The following LIN37 variants were observed in gnomAD, a reference collection of about 807,000 sequenced individuals.
The protein encoded by LIN37 is lin-37 DREAM MuvB core complex component, also known as protein lin-37 homolog.
A neutral mutation model predicts 38.0 loss-of-function variants in LIN37; 21 were observed. The ratio of observed to expected loss-of-function variants is 0.55; its 90% CI spans 0.39 to 0.80. The LOEUF is 0.80. Among genes scored for constraint, LIN37 ranks in the 30% least tolerant of loss-of-function variants. The pLI, the probability that LIN37 is intolerant of heterozygous loss-of-function variation, is 0.00. For missense variants in LIN37, 273 were observed against 338.5 expected (o/e 0.81, Z 1.52); for synonymous variants, 126 against 122.9 (o/e 1.03, Z -0.17).
intron 1 of LIN37, among the ~76,000 whole-genome samples, chr19:35,750,537 A>G (rs1003743086): frequency 2.6e-5 from 4 of 152,232 alleles, no homozygotes; most frequent in African/African-American, 9.6e-5. Context: ...GTAGGAGGAC[A>G]GCGTAACATC....
intron 6 of LIN37, 44 bp downstream of exon 6, chr19:35,753,297 G>A: frequency 6.5e-7 from 1 of 1,537,078 alleles, no homozygotes; most frequent in South Asian, 1.2e-5. Flanking sequence ...TGGTGCCAGG[G>A]CAGTGGGTGG....
Position 35,752,247 on chromosome 19 carries a change from G to T in LIN37, c.106G>T (p.Asp36Tyr), listed in dbSNP as rs552333590. Residue 36 changes from aspartate (D) to tyrosine (Y), a missense_variant, in exon 2 of 9, where the codon GAC becomes TAC. Transcript: ENST00000301159. ...GTGTCTGCTGGAGAAGAGTCACATG[G>T]ACAGGTAGGCCAGCGTGGGGTCACA... ...LQCLLEKSHM[D>Y]RERLDEEAGK... is the part of the protein sequence containing the mutation. The T allele has an allele frequency of 6.2e-7, 1 of 1,605,878 alleles. No homozygotes were observed. Among genetic ancestry groups the T allele is most frequent in the Non-Finnish European group, 8.5e-7 (1 of 1,176,248 alleles).
At chr19:35,749,063 A>T (rs1328109262) in intron 1 of LIN37, 21 of 960,112 alleles carry the variant, frequency 2.2e-5, no homozygotes, top group South Asian at 1.5e-4. Flanking sequence ...TTAAATTTTT[A>T]AAATATTTAA....
intron 1 of LIN37, chr19:35,748,965 G>A: frequency 7.0e-7 from 1 of 1,437,938 alleles, no homozygotes; most frequent in Non-Finnish European, 9.2e-7. Flanking sequence ...GAATGGGGTG[G>A]CTCGGGCAAT....
At chr19:35,748,815 T>C in intron 1 of LIN37, 57 bp downstream of exon 1, 1 of 1,611,436 alleles carries the variant, frequency 6.2e-7, no homozygotes, top group East Asian at 2.2e-5. Context: ...GGGTGTGGAG[T>C]CCCGGTGGAA....
At chr19:35,748,820 G>A in intron 1 of LIN37, 62 bp downstream of exon 1, 1 of 1,612,742 alleles carries the variant, frequency 6.2e-7, no homozygotes, top group Non-Finnish European at 8.5e-7. Context: ...TGGAGTCCCG[G>A]TGGAAGGGAG....
intron 1 of LIN37, 156 bp from the exon 2 acceptor site, chr19:35,752,020 C>T (rs1334214228): frequency 1.6e-6 from 1 of 607,560 alleles, no homozygotes; most frequent in African/African-American, 1.8e-5. Context: ...GGGCATCACT[C>T]CAGCCATCTC....
chr19:35,748,842 G>C, intron 1 of LIN37, 84 bp downstream of exon 1: 2 of 1,609,756 alleles, frequency 1.2e-6, no homozygotes, highest in Non-Finnish European at 1.7e-6. Flanking sequence ...ATCGCGGAAA[G>C]GGGACTGCAC....
In LIN37 at chr19:35,754,045, G is replaced by A. The variant is rs369546658; in HGVS notation, c.473G>A (p.Arg158His). Residue 158 changes from arginine (R) to histidine (H), a missense_variant, in exon 7 of 9, where the codon CGT becomes CAT. Transcript: ENST00000301159. ...EGSEVTNSKS[R>H]DVYKLPPPTP... ...TCAGAGGTAACCAACAGCAAGAGTC[G>A]TGATGTGTACAAGCTGCCGCCACCC... 5.6e-5 allele frequency: 91 copies of A among 1,613,666 alleles called. No homozygotes were observed. Among genetic ancestry groups the A allele is most frequent in the Non-Finnish European group, 6.9e-5 (82 of 1,179,872 alleles).
chr19:35,752,923 C>T lies in LIN37; in HGVS notation c.201C>T (p.Ala67=), dbSNP rs1309988647. 2 of 1,575,538 alleles carry T rather than the reference C, an allele frequency of 1.3e-6. No individual in the cohort carries two copies. The highest frequency in any genetic ancestry group is 8.6e-7 in the Non-Finnish European group (1 of 1,160,400). ...SIAATGKRPS[A]RFPHQRRKKR... ...CCCTCTCCCTACGCAGGCCATCTGC[C>T]CGCTTCCCCCACCAGCGGAGGAAGA... The change falls in exon 5 of 9, where the codon GCC becomes GCT. Residue 67 remains alanine, a synonymous_variant. Coordinates refer to ENST00000301159, the MANE Select transcript of LIN37 (RefSeq NM_019104.3).
At chr19:35,749,368 G>C (rs1970649036) in intron 1 of LIN37, among the ~76,000 whole-genome samples, 1 of 152,192 alleles carries the variant, frequency 6.6e-6, no homozygotes. Context: ...AAAGAGGAGA[G>C]AATTTTGGGT....
chr19:35,750,183 TC>T (rs1410101101), intron 1 of LIN37, among the ~76,000 whole-genome samples: 2 of 151,782 alleles, frequency 1.3e-5, no homozygotes, highest in Non-Finnish European at 2.9e-5. Flanking sequence ...GAGAGGGGTA[TC>T]CATGGTGAGG....
At chr19:35,753,702 G>A in intron 6 of LIN37, 2 of 520,630 alleles carry the variant, frequency 3.8e-6, no homozygotes, top group South Asian at 2.2e-5. Flanking sequence ...TGTCAGAAAT[G>A]GACAGAGCTT....
At position 35,748,730 on chromosome 19, in the gene LIN37, C is replaced by T. The variant is rs1393686016; in HGVS notation, c.6C>T (p.Phe2=). The T allele has an allele frequency of 2.5e-6, 4 of 1,613,818 alleles. No homozygotes were observed. In the African/African-American group the frequency reaches 4.0e-5, roughly 16 times the overall value. M[F]PVKVKVEKSE... is the part of the protein sequence containing the mutation. ...CCAGATCCCGGACCCAAACCATGTT[C>T]CCTGTGAAGGTGAAAGTGGAGAAAT... is the stretch of plus-strand genomic sequence containing the variant. The change falls in exon 1 of 9, where the codon TTC becomes TTT. Residue 2 remains phenylalanine, a synonymous_variant. Transcript: ENST00000301159.
chr19:35,753,853 C>T, intron 6 of LIN37, 164 bp from the exon 7 acceptor site: 1 of 734,448 alleles, frequency 1.4e-6, no homozygotes, highest in Non-Finnish European at 2.2e-6. Flanking sequence ...ACTTGACCCG[C>T]TGGCTGGTTG....
intron 1 of LIN37, among the ~76,000 whole-genome samples, chr19:35,750,118 A>G (rs867402338): frequency 1.3e-5 from 2 of 150,956 alleles, no homozygotes; most frequent in African/African-American, 4.9e-5. Context: ...GGTGGGAGAG[A>G]CACTCGGGAG....
chr19:35,748,712 C>A lies in LIN37; in HGVS notation c.-13C>A, dbSNP rs1032257729. On this transcript the variant is annotated 5_prime_UTR_variant, in exon 1 of 9. Transcript: ENST00000301159. ...CGCCTCTGACCCAGCTAGCCAGATC[C>A]CGGACCCAAACCATGTTCCCTGTGA... is the stretch of plus-strand genomic sequence containing the variant. 1 of 1,613,860 alleles carries A rather than the reference C, an allele frequency of 6.2e-7. No individual in the cohort carries two copies. The highest frequency in any genetic ancestry group is 8.5e-7 in the Non-Finnish European group (1 of 1,179,774).
At chr19:35,753,023 G>T (rs1970701084) in intron 5 of LIN37, 24 bp downstream of exon 5, 3 of 1,570,816 alleles carry the variant, frequency 1.9e-6, no homozygotes, top group Non-Finnish European at 2.6e-6. Flanking sequence ...GGCCCTAGAG[G>T]GTCGGTAAGG....
Position 35,752,187 on chromosome 19 carries a change from G to T in LIN37, c.46G>T (p.Ala16Ser). Residue 16 changes from alanine (A) to serine (S), a missense_variant, in exon 2 of 9, where the codon GCC (alanine) becomes TCC (serine). Physicochemically the swap from Ala to Ser is moderately conservative, Grantham distance 99. Coordinates refer to ENST00000301159, the MANE Select transcript of LIN37 (RefSeq NM_019104.3). ...CTCTCTTGCCCCAGAGCTGGAGATG[G>T]CCAAAGCCCGGAACCAACTGGATGC... ...VKVEKSELEM[A>S]KARNQLDAVL... 6.2e-7 allele frequency: 1 copy of T among 1,600,924 alleles called. No homozygotes were observed. Among genetic ancestry groups the T allele is most frequent in the Non-Finnish European group, 8.5e-7 (1 of 1,173,988 alleles).
Sources: gnomAD v4.1 joint callset for allele counts (sites outside exome capture counted in the v4.1 genomes callset) on GRCh38, gnomAD v4.1.1 for gene constraint, MANE v1.5 for transcripts, NCBI Gene and HGNC (gene_info 2026-07-23, HGNC 2026-07-21) for gene names.